COL4A6: variants seen among roughly 807,000 people sequenced by gnomAD.
COL4A6 encodes collagen alpha-6(IV) chain.
COL4A6 carries 59 observed loss-of-function variants against 126.7 expected under a neutral mutation model. That is an observed-to-expected ratio of 0.47 (90% CI 0.38 to 0.58). The LOEUF is 0.58. Ranked by LOEUF, COL4A6 falls within the 20% of genes least tolerant of loss-of-function variation. The pLI is 0.00. For missense variants in COL4A6, 1,285 were observed against 1,337.3 expected (o/e 0.96, Z 0.61); for synonymous variants, 547 against 496.6 (o/e 1.10, Z -1.35).
chrX:108,195,081 C>T lies in COL4A6; in HGVS notation c.948+1G>A. 1.7e-6 allele frequency: 2 copies of T among 1,200,502 alleles called. No individual in the cohort carries two copies. Among genetic ancestry groups the T allele is most frequent in the Non-Finnish European group, 2.3e-6 (2 of 887,639 alleles). On this transcript the variant is annotated splice_donor_variant, in intron 15 of 44. Transcript: ENST00000334504. LOFTEE classifies it high-confidence loss of function. ...GGCTTTAATGATATTAACCAAAATA[C>T]CTGTTGCCCTGGAGGGCCTTGGACT...
intron 2 of COL4A6, among the ~76,000 whole-genome samples, chrX:108,347,405 C>T (rs2039733091): frequency 8.9e-6 from 1 of 112,128 alleles, no homozygotes; most frequent in Non-Finnish European, 1.9e-5. Context: ...ATACAATTTA[C>T]CACACGTTTA....
intron 2 of COL4A6, among the ~76,000 whole-genome samples, chrX:108,377,512 A>G (rs1482770768): frequency 9.3e-6 from 1 of 107,583 alleles, no homozygotes; most frequent in Non-Finnish European, 1.9e-5. Flanking sequence ...CATCCCAAAC[A>G]TGGAAATGGA....
In COL4A6 at chrX:108,422,972, A is replaced by T. The variant is rs548141317; in HGVS notation, c.63+14970T>A. 3.9e-4 allele frequency among the ~76,000 whole-genome samples: 44 copies of T among 112,283 alleles called. 1 individual carries two copies. The South Asian group carries it at 0.016, about 40-fold the overall frequency. On this transcript the variant is annotated intron_variant, in intron 2 of 44. Transcript: ENST00000334504. The stretch of plus-strand genomic sequence containing the variant: ...AAGGATTGCAGCTGCAAACTCCCTG[A>T]CACAGAATATACTGTTGGAAGAGTC...
At chrX:108,372,407 A>G (rs1444427718) in intron 2 of COL4A6, among the ~76,000 whole-genome samples, 1 of 112,017 alleles carries the variant, frequency 8.9e-6, no homozygotes, top group Non-Finnish European at 1.9e-5. Flanking sequence ...TGCCTTCCTC[A>G]GTGCTCTGTG....
At chrX:108,342,563 A>C (rs1379780160) in intron 2 of COL4A6, among the ~76,000 whole-genome samples, 1 of 111,792 alleles carries the variant, frequency 8.9e-6, no homozygotes, top group East Asian at 2.8e-4. Context: ...TTTGAACCAA[A>C]AATACACTCT....
At chrX:108,397,725 T>G (rs189663779) in intron 2 of COL4A6, among the ~76,000 whole-genome samples, 3 of 111,150 alleles carry the variant, frequency 2.7e-5, no homozygotes, top group African/African-American at 9.8e-5. Context: ...TGATGCTCAT[T>G]TGCAGTTTTT....
intron 4 of COL4A6, chrX:108,221,032 A>G (rs1239443314): frequency 4.1e-6 from 2 of 485,210 alleles, no homozygotes; most frequent in Middle Eastern, 3.8e-4. Flanking sequence ...CAAGAAGCAG[A>G]GGTTGCAGTG....
intron 2 of COL4A6, among the ~76,000 whole-genome samples, chrX:108,432,212 T>C (rs62603576): frequency 0.35 from 38,547 of 110,961 alleles, 5,496 homozygotes; most frequent in Non-Finnish European, 0.44. Context: ...TATTTCTTTG[T>C]GAATACAGTT....
chrX:108,243,474 C>G (rs1387629316), intron 3 of COL4A6, among the ~76,000 whole-genome samples: 1 of 111,170 alleles, frequency 9.0e-6, no homozygotes, highest in African/African-American at 3.3e-5. Context: ...CCAGGCCACC[C>G]CATAAAACCA....
chrX:108,249,627 G>C (rs766186395), intron 3 of COL4A6, among the ~76,000 whole-genome samples: 1 of 111,770 alleles, frequency 8.9e-6, no homozygotes, highest in East Asian at 2.8e-4. Context: ...ATCTTCATAG[G>C]GGTGAAGAAT....
chrX:108,433,803 C>T (rs1317225052), intron 2 of COL4A6, among the ~76,000 whole-genome samples: 1 of 111,936 alleles, frequency 8.9e-6, no homozygotes, highest in Non-Finnish European at 1.9e-5. Flanking sequence ...GGATTACAGG[C>T]ATGAGCCACT....
intron 3 of COL4A6, among the ~76,000 whole-genome samples, chrX:108,303,410 G>A (rs1248009306): frequency 9.0e-6 from 1 of 111,590 alleles, no homozygotes; most frequent in African/African-American, 3.3e-5. Flanking sequence ...ATAATATGTC[G>A]CTTGTTGACC....
rs898030248 is a variant in COL4A6 at position 108,194,754 on chromosome X, C to T, written c.949-167G>A. 18 of 493,846 alleles carry T rather than the reference C, an allele frequency of 3.6e-5. No homozygotes were observed. The South Asian group carries it at 4.0e-4, about 11-fold the overall frequency. 40.7% of individuals were successfully genotyped at this position (493,846 alleles called of 1,213,427 possible). ...CTGTAAAATCTTCCAGAAGACAATA[C>T]GGCAGTAGGTAGCCAATTTACATAT... is the stretch of plus-strand genomic sequence containing the variant. On this transcript the variant is annotated intron_variant, in intron 15 of 44. Coordinates refer to ENST00000334504, the MANE Select transcript of COL4A6 (RefSeq NM_033641.4).
chrX:108,374,243 G>A (rs2040388648), intron 2 of COL4A6, among the ~76,000 whole-genome samples: 1 of 112,129 alleles, frequency 8.9e-6, no homozygotes, highest in Non-Finnish European at 1.9e-5. Context: ...CAATCTAGAA[G>A]CAAAGGAACC....
chrX:108,333,698 A>G (rs922761815), intron 2 of COL4A6, among the ~76,000 whole-genome samples: 8 of 112,100 alleles, frequency 7.1e-5, no homozygotes, highest in Non-Finnish European at 1.5e-4. Flanking sequence ...AATGACTTCA[A>G]TAAATTTGCA....
At chrX:108,392,700 G>A (rs762683068) in intron 2 of COL4A6, among the ~76,000 whole-genome samples, 1 of 111,190 alleles carries the variant, frequency 9.0e-6, no homozygotes, top group South Asian at 3.9e-4. Flanking sequence ...GAGGTGATTA[G>A]GTCATGAGAG....
intron 3 of COL4A6, among the ~76,000 whole-genome samples, chrX:108,227,021 C>T (rs2036186037): frequency 8.9e-6 from 1 of 111,831 alleles, no homozygotes. Context: ...CTCCTGGCTA[C>T]CACTTCTGTA....
intron 3 of COL4A6, among the ~76,000 whole-genome samples, chrX:108,286,594 CAG>C (rs761658193): frequency 4.5e-5 from 5 of 111,488 alleles, no homozygotes; most frequent in Admixed American, 3.8e-4. Context: ...TTTTTAGAGA[CAG>C]AGTCTCAGTC....
intron 3 of COL4A6, 125 bp from the exon 4 acceptor site, chrX:108,221,499 G>T: frequency 1.3e-6 from 1 of 750,439 alleles, no homozygotes; most frequent in Non-Finnish European, 1.9e-6. Context: ...GATCTGTGAG[G>T]CACGCCAAAG....
Sources: gnomAD v4.1 joint callset for allele counts (sites outside exome capture counted in the v4.1 genomes callset) on GRCh38, gnomAD v4.1.1 for gene constraint, MANE v1.5 for transcripts, NCBI Gene and HGNC (gene_info 2026-07-23, HGNC 2026-07-21) for gene names.